The following ZNF268 variants were observed in gnomAD, a reference collection of about 807,000 sequenced individuals.
The protein encoded by ZNF268 is zinc finger protein 268, also known as zinc finger protein 3.
A neutral mutation model predicts 29.3 loss-of-function variants in ZNF268; 20 were observed. That is an observed-to-expected ratio of 0.68 (90% CI 0.48 to 0.99). ZNF268 has a LOEUF of 0.99. Among genes scored for constraint, ZNF268 ranks in the 50% least tolerant of loss-of-function variants. The pLI is 0.00. For missense variants in ZNF268, 1,240 were observed against 1,121.6 expected (o/e 1.11, Z -1.51); for synonymous variants, 429 against 376.9 (o/e 1.14, Z -1.60).
intron 5 of ZNF268, among the ~76,000 whole-genome samples, chr12:133,196,353 G>C (rs560683622): frequency 2.7e-5 from 4 of 146,320 alleles, no homozygotes; most frequent in African/African-American, 1.0e-4. Context: ...CTGTCTTTTA[G>C]TTACTGGGTT....
chr12:133,204,114 T>G lies in ZNF268; in HGVS notation c.2428T>G (p.Cys810Gly). The G allele has an allele frequency of 6.5e-7, 1 of 1,545,422 alleles. No individual in the cohort carries two copies. Among genetic ancestry groups the G allele is most frequent in the Non-Finnish European group, 8.7e-7 (1 of 1,147,976 alleles). ...RTHSGEKPYE[C>G]NECGKAFIWK... Reference sequence around the variant, plus strand: ...TCATTCAGGTGAAAAACCATATGAATGTAATGAATGTGGGAAAGCCTTCAT... The same window carrying G: ...TCATTCAGGTGAAAAACCATATGAAGGTAATGAATGTGGGAAAGCCTTCAT... The change falls in exon 6 of 6, where the codon TGT becomes GGT. Residue 810 changes from cysteine (C) to glycine (G), a missense_variant. Cys to Gly is a radical substitution (Grantham distance 159). Coordinates refer to ENST00000536435, the MANE Select transcript of ZNF268 (RefSeq NM_003415.3).
intron 3 of ZNF268, 89 bp downstream of exon 3, chr12:133,188,161 G>C: frequency 8.1e-7 from 1 of 1,233,254 alleles, no homozygotes; most frequent in Non-Finnish European, 1.1e-6. Flanking sequence ...TTAGGTCAGA[G>C]GGTTAAGTTA....
chr12:133,184,952 G>A (rs778724536), intron 2 of ZNF268, among the ~76,000 whole-genome samples: 1 of 152,198 alleles, frequency 6.6e-6, no homozygotes, highest in South Asian at 2.1e-4. Flanking sequence ...GGGAGGCCAA[G>A]GTGGGCAGAT....
intron 2 of ZNF268, among the ~76,000 whole-genome samples, chr12:133,185,182 T>TC (rs1956278204): frequency 9.7e-6 from 1 of 103,282 alleles, no homozygotes; most frequent in East Asian, 2.5e-4. Context: ...AGACTCTGTC[T>TC]CAAAAAAAAA....
At position 133,202,268 on chromosome 12, in the gene ZNF268, T is replaced by C; in HGVS notation, c.582T>C (p.Tyr194=). ...FGKLCLLSTK[Y]LSRQKPHKCG... ...AACTATGTCTTCTTAGTACAAAGTATCTTTCAAGACAAAAACCTCATAAAT... is the reference window on the plus strand; with the variant it reads ...AACTATGTCTTCTTAGTACAAAGTACCTTTCAAGACAAAAACCTCATAAAT... The change falls in exon 6 of 6, where the codon TAT becomes TAC. Residue 194 remains tyrosine (Y), a synonymous_variant. Coordinates refer to ENST00000536435, the MANE Select transcript of ZNF268 (RefSeq NM_003415.3). 6.2e-7 allele frequency: 1 copy of C among 1,612,664 alleles called. No homozygotes were observed.
intron 5 of ZNF268, among the ~76,000 whole-genome samples, chr12:133,194,357 C>T (rs1025595056): frequency 6.6e-6 from 1 of 152,160 alleles, no homozygotes; most frequent in Non-Finnish European, 1.5e-5. Flanking sequence ...GGGGCAGCTC[C>T]AGGATCAACT....
In ZNF268 at chr12:133,210,762, C is replaced by G. The variant is rs570203803; in HGVS notation, c.*6232C>G. On this transcript the variant is annotated 3_prime_UTR_variant, in exon 6 of 6. Transcript: ENST00000536435. ...CAGCTCAGTCTTTACTGTGATGCAG[C>G]CTCTAGTGATCCCCAGGTCCTGAGT... 1,031 of 451,170 alleles carry G rather than the reference C, an allele frequency of 2.3e-3. 3 individuals are homozygous for G. Among genetic ancestry groups the G allele is most frequent in the Non-Finnish European group, 4.0e-3 (886 of 223,118 alleles). The allele number at this position is 451,170 out of a possible 1,614,324, so 27.9% of individuals were successfully genotyped here.
chr12:133,206,168 C>A lies in ZNF268; in HGVS notation c.*1638C>A, dbSNP rs1214682998. On this transcript the variant is annotated 3_prime_UTR_variant, in exon 6 of 6. Transcript: ENST00000536435. ...TGGTAGAGGAGTAGGCAGAAACTTGCAAGGATATGTGGATATTTGGAAATG... is the reference window on the plus strand; with the variant it reads ...TGGTAGAGGAGTAGGCAGAAACTTGAAAGGATATGTGGATATTTGGAAATG... 1.3e-5 allele frequency: 2 copies of A among 152,110 alleles called. No individual in the cohort carries two copies. Among genetic ancestry groups the A allele is most frequent in the Admixed American group, 6.6e-5 (1 of 15,266 alleles). The allele number at this position is 152,110 out of a possible 1,614,324, so 9.4% of individuals were successfully genotyped here. A position where few individuals can be genotyped will look rare whatever the true frequency, so the allele number is the denominator to read the frequency against.
At position 133,202,393 on chromosome 12, in the gene ZNF268, A is replaced by T. The variant is rs1458000412; in HGVS notation, c.707A>T (p.His236Leu). 1 of 1,611,342 alleles carries T rather than the reference A, an allele frequency of 6.2e-7. No homozygotes were observed. Among genetic ancestry groups the T allele is most frequent in the African/African-American group, 1.3e-5 (1 of 74,980 alleles). ...CAGGTACATGGAAAATCATTCTTCCATTCTAAACATGAGCAAACTGTTATT... is the reference window on the plus strand; with the variant it reads ...CAGGTACATGGAAAATCATTCTTCCTTTCTAAACATGAGCAAACTGTTATT... ...GFQVHGKSFFHSKHEQTVIGI... is the reference protein window; with the variant it reads ...GFQVHGKSFFLSKHEQTVIGI... The change falls in exon 6 of 6, where the codon CAT becomes CTT. Residue 236 changes from histidine (H) to leucine (L), a missense_variant. By Grantham distance (99) the His-to-Leu change is moderately conservative. Transcript: ENST00000536435.
Position 133,212,442 on chromosome 12 carries a change from A to ATT in ZNF268, c.*7915_*7916dup, listed in dbSNP as rs1566396737. ...GTTCCAAGGGAGACTTTCATGTGTG[A>ATT]TTTTATATATATATATATATATATA... On this transcript the variant is annotated 3_prime_UTR_variant, in exon 6 of 6. Coordinates refer to ENST00000536435, the MANE Select transcript of ZNF268 (RefSeq NM_003415.3). 7.2e-5 allele frequency: 7 copies of ATT among 97,770 alleles called. No homozygotes were observed. The highest frequency in any genetic ancestry group is 1.2e-4 in the Admixed American group (1 of 8,022). The allele number at this position is 97,770 out of a possible 1,614,324, so 6.1% of individuals were successfully genotyped here. A position where few individuals can be genotyped will look rare whatever the true frequency, so the allele number is the denominator to read the frequency against.
In ZNF268 at chr12:133,202,834, C is replaced by T; in HGVS notation, c.1148C>T (p.Ser383Leu). 1 of 1,594,868 alleles carries T rather than the reference C, an allele frequency of 6.3e-7. No individual in the cohort carries two copies. The highest frequency in any genetic ancestry group is 1.3e-5 in the African/African-American group (1 of 74,786). Reference sequence around the variant, plus strand: ...CTTGTTTCACACCAGAAAACTCATTCAGGACAGAAACCATATGTGTGTAAT... The same window carrying T: ...CTTGTTTCACACCAGAAAACTCATTTAGGACAGAAACCATATGTGTGTAAT... The part of the protein sequence containing the change: ...DQLVSHQKTH[S>L]GQKPYVCNEC... Residue 383 changes from serine (S) to leucine (L), a missense_variant, in exon 6 of 6, where the codon TCA (serine) becomes TTA (leucine). Transcript: ENST00000536435.
chr12:133,207,131 AATCT>A lies in ZNF268; in HGVS notation c.*2607_*2610del, dbSNP rs1450856872. On this transcript the variant is annotated 3_prime_UTR_variant, in exon 6 of 6. Coordinates refer to ENST00000536435, the MANE Select transcript of ZNF268 (RefSeq NM_003415.3). ...ACAGAAATTGAGTTACTGGTTTGTA[AATCT>A]ATCTAGTCCTTCTACCCCAGCCCCA... 1.3e-5 allele frequency: 2 copies of A among 152,208 alleles called. No individual in the cohort carries two copies. The highest frequency in any genetic ancestry group is 2.9e-5 in the Non-Finnish European group (2 of 68,048). The allele number at this position is 152,208 out of a possible 1,614,324, so 9.4% of individuals were successfully genotyped here.
At chr12:133,193,467 GT>G in intron 5 of ZNF268, 2 of 697,422 alleles carry the variant, frequency 2.9e-6, no homozygotes, top group Non-Finnish European at 5.2e-6. Flanking sequence ...GTGCTGGCAG[GT>G]TTGGTGTCTG....
At position 133,202,858 on chromosome 12, in the gene ZNF268, A is replaced by G; in HGVS notation, c.1172A>G (p.Asn391Ser). ...TCAGGACAGAAACCATATGTGTGTA[A>G]TGAATGTGGGAAAGCTTTTGGTTTA... is the stretch of plus-strand genomic sequence containing the variant. ...THSGQKPYVCNECGKAFGLKS... is the reference protein window; with the variant it reads ...THSGQKPYVCSECGKAFGLKS... The change falls in exon 6 of 6, where the codon AAT becomes AGT. Residue 391 changes from asparagine (N) to serine (S), a missense_variant. This residue lies in a region of ZNF268 where 1,177 missense variants were observed against 1,039.6 expected (regional missense o/e 1.13). Coordinates refer to ENST00000536435, the MANE Select transcript of ZNF268 (RefSeq NM_003415.3). 1.3e-6 allele frequency: 2 copies of G among 1,577,316 alleles called. No homozygotes were observed. The highest frequency in any genetic ancestry group is 2.3e-5 in the South Asian group (2 of 88,080).
In ZNF268 at chr12:133,204,621, C is replaced by A; in HGVS notation, c.*91C>A. 1 of 1,028,558 alleles carries A rather than the reference C, an allele frequency of 9.7e-7. No homozygotes were observed. The highest frequency in any genetic ancestry group is 1.3e-6 in the Non-Finnish European group (1 of 744,650). 63.7% of individuals were successfully genotyped at this position (1,028,558 alleles called of 1,614,324 possible). A position where few individuals can be genotyped will look rare whatever the true frequency, so the allele number is the denominator to read the frequency against. On this transcript the variant is annotated 3_prime_UTR_variant, in exon 6 of 6. Coordinates refer to ENST00000536435, the MANE Select transcript of ZNF268 (RefSeq NM_003415.3). The stretch of plus-strand genomic sequence containing the variant: ...TCTGTAAGTGGAATCATCTTGTCAT[C>A]TTCCAGAAAACTCATACTGAATAGA...
At chr12:133,191,067 A>G (rs535142942) in intron 3 of ZNF268, among the ~76,000 whole-genome samples, 1 of 152,290 alleles carries the variant, frequency 6.6e-6, no homozygotes, top group South Asian at 2.1e-4. Context: ...CTGTAATCCT[A>G]GCACTTTGGG....
At position 133,182,036 on chromosome 12, in the gene ZNF268, T is replaced by A; in HGVS notation, c.33+6T>A. 6.4e-7 allele frequency: 1 copy of A among 1,559,642 alleles called. No individual in the cohort carries two copies. Among genetic ancestry groups the A allele is most frequent in the African/African-American group, 1.4e-5 (1 of 73,522 alleles). On this transcript the variant is annotated splice_donor_region_variant and intron_variant, in intron 2 of 5. Transcript: ENST00000536435. ...TCCGGACAGCTTCTATTTGGGTGAG[T>A]AGGGGTTTTCTTTCATTCTTGAAAA...
At chr12:133,185,099 G>A (rs569997093) in intron 2 of ZNF268, among the ~76,000 whole-genome samples, 2 of 150,620 alleles carry the variant, frequency 1.3e-5, no homozygotes, top group South Asian at 2.1e-4. Flanking sequence ...CAGAAAAATC[G>A]CTTGAACCCC....
At position 133,202,417 on chromosome 12, in the gene ZNF268, T is replaced by C. The variant is rs1423356771; in HGVS notation, c.731T>C (p.Ile244Thr). Residue 244 changes from isoleucine (I) to threonine (T), a missense_variant, in exon 6 of 6, where the codon ATT (isoleucine) becomes ACT (threonine). Ile to Thr is a moderately conservative substitution (Grantham distance 89, BLOSUM62 -1). Transcript: ENST00000536435. ...CATTCTAAACATGAGCAAACTGTTA[T>C]TGGAATAAAATACTGTGAAAGTATT... The part of the protein sequence containing the change: ...FFHSKHEQTV[I>T]GIKYCESIES... 9 of 1,610,928 alleles carry C rather than the reference T, an allele frequency of 5.6e-6. No individual in the cohort carries two copies. The highest frequency in any genetic ancestry group is 4.4e-5 in the South Asian group (4 of 90,736).
Sources: gnomAD v4.1 joint callset for allele counts (sites outside exome capture counted in the v4.1 genomes callset) on GRCh38, gnomAD v4.1.1 for gene constraint, gnomAD v4.1.1 regional missense constraint, MANE v1.5 for transcripts, NCBI Gene and HGNC (gene_info 2026-07-23, HGNC 2026-07-21) for gene names.